Variants in MLXIPL observed in about 807,000 individuals in gnomAD.
MLXIPL encodes the protein MLX interacting protein like, also known as carbohydrate-responsive element-binding protein.
A neutral mutation model predicts 81.5 loss-of-function variants in MLXIPL; 49 were observed. The ratio of observed to expected loss-of-function variants is 0.60; its 90% CI spans 0.48 to 0.76. The LOEUF (loss-of-function observed/expected upper bound fraction) is 0.76. MLXIPL is among the 30% of genes least tolerant of loss of function. The pLI is 0.00. For missense variants in MLXIPL, 1,053 were observed against 1,167.0 expected, an observed-to-expected ratio of 0.90 and a Z score of 1.42; for synonymous variants, 466 against 485.5, an observed-to-expected ratio of 0.96 and a Z score of 0.53.
At chr7:73,605,657 T>C in intron 7 of MLXIPL, 31 bp downstream of exon 7, 1 of 1,611,128 alleles carries the variant, frequency 6.2e-7, no homozygotes, top group Non-Finnish European at 8.5e-7. Context: ...ACCCTGCCCG[T>C]CCACCCGACC....
At chr7:73,602,130 G>GCCTTCCTGCCTGCCTTCCTTCCTTCCTT (rs1563487261) in intron 7 of MLXIPL, among the ~76,000 whole-genome samples, 9 of 80,508 alleles carry the variant, frequency 1.1e-4, no homozygotes, top group African/African-American at 4.9e-4. Flanking sequence ...CTGCCTGCCT[G>GCCTTCCTGCCTGCCTTCCTTCCTTCCTT]CCTTCCTTCC....
rs1156398581 is a variant in MLXIPL, at chr7:73,606,371, G to T, written c.619-260C>A. On this transcript the variant is annotated intron_variant, in intron 5 of 16. Coordinates refer to ENST00000313375, the MANE Select transcript of MLXIPL (RefSeq NM_032951.3). ...GCTCTTTAGATTTTTTCCTGTCTGG[G>T]ACCCCAGTTCTTTGGTCCCTCTGGT... is the stretch of plus-strand genomic sequence containing the variant. 1.8e-5 allele frequency: 10 copies of T among 559,646 alleles called. No homozygotes were observed. The Admixed American group carries it at 3.4e-4, about 19-fold the overall frequency. 34.7% of individuals were successfully genotyped at this position (559,646 alleles called of 1,614,324 possible). A position where few individuals can be genotyped will look rare whatever the true frequency, so the allele number is the denominator to read the frequency against.
At chr7:73,625,121 C>G (rs1408990536), upstream of MLXIPL, among the ~76,000 whole-genome samples, 1 of 152,136 alleles carries the variant, frequency 6.6e-6, no homozygotes, top group African/African-American at 2.4e-5. Context: ...GAGGTTGAGG[C>G]TGCAGTGAGC....
Position 73,595,898 on chromosome 7 carries a change from C to A in MLXIPL, c.2130G>T (p.Leu710Phe). 5.0e-6 allele frequency: 8 copies of A among 1,613,034 alleles called. No homozygotes were observed. The highest frequency in any genetic ancestry group is 2.2e-5 in the South Asian group (2 of 90,966). Residue 710 changes from leucine to phenylalanine, a missense_variant, in exon 14 of 17, where the codon TTG becomes TTT. Around this residue, in one of 3 missense-constraint regions of MLXIPL, gnomAD observed 823 missense variants for 933.0 expected, o/e 0.88. Coordinates refer to ENST00000313375, the MANE Select transcript of MLXIPL (RefSeq NM_032951.3). The stretch of plus-strand genomic sequence containing the variant: ...CCCGCAGCTGCTGGGCCTCCTCCTG[C>A]AAGCCCGCACGCTCCTGCTGTAGCA... ...ILMLQQERAG[L>F]QEEAQQLRDE... is the part of the protein sequence containing the mutation.
chr7:73,616,455 C>T (rs1414838407), intron 1 of MLXIPL, among the ~76,000 whole-genome samples: 1 of 152,136 alleles, frequency 6.6e-6, no homozygotes, highest in Non-Finnish European at 1.5e-5. Context: ...TGGATCAGCT[C>T]GGCCCTGGAA....
intron 2 of MLXIPL, 97 bp from the exon 3 acceptor site, chr7:73,607,769 T>G (rs1795420027): frequency 9.1e-7 from 1 of 1,096,294 alleles, no homozygotes; most frequent in African/African-American, 1.6e-5. Context: ...GAAATCCTGC[T>G]TGGCCTTTGA....
At position 73,607,630 on chromosome 7, in the gene MLXIPL, G is replaced by T. The variant is rs200647462; in HGVS notation, c.443C>A (p.Pro148His). ...CGCATCAGCCTCAGGCCCCTGCAGG[G>T]GGGTCACGAAGCCACACACGGGGCT... ...RKSPVCGFVTPLQGPEADAHR... is the reference protein window; with the variant it reads ...RKSPVCGFVTHLQGPEADAHR... The change falls in exon 3 of 17, where the codon CCC (proline) becomes CAC (histidine). Residue 148 changes from proline (P) to histidine (H), a missense_variant. By Grantham distance (77) the Pro-to-His change is moderately conservative. Coordinates refer to ENST00000313375, the MANE Select transcript of MLXIPL (RefSeq NM_032951.3). 2.0e-5 allele frequency: 32 copies of T among 1,613,368 alleles called. No individual in the cohort carries two copies. Among genetic ancestry groups the T allele is most frequent in the Non-Finnish European group, 2.7e-5 (32 of 1,180,012 alleles).
upstream of MLXIPL, among the ~76,000 whole-genome samples, chr7:73,625,700 G>C (rs782629459): frequency 2.0e-5 from 3 of 152,158 alleles, no homozygotes; most frequent in African/African-American, 7.2e-5. Flanking sequence ...GGTGGAGGTT[G>C]CAGTGAGCCG....
At chr7:73,627,484 A>G (rs966556243), upstream of MLXIPL, among the ~76,000 whole-genome samples, 8 of 151,996 alleles carry the variant, frequency 5.3e-5, no homozygotes, top group Non-Finnish European at 1.2e-4. Flanking sequence ...CCTGACCACA[A>G]GTGATCCACC....
chr7:73,645,412 C>A, the MLXIPL span, among the ~76,000 whole-genome samples: 1 of 152,114 alleles, frequency 6.6e-6, no homozygotes, highest in Non-Finnish European at 1.5e-5. Context: ...TTGTTGGGGG[C>A]CCCCTTCTCC....
chr7:73,596,272 TC>T lies in MLXIPL; in HGVS notation c.1939-1del. ...ATGTGTGTGATACGCCGGTTCTCGG[TC>T]TCGGGGAGCAGAGAGTTGGGTGAGC... is the stretch of plus-strand genomic sequence containing the variant. On this transcript the variant is annotated splice_acceptor_variant, in intron 12 of 16. Transcript: ENST00000313375. LOFTEE classifies it high-confidence loss of function. The surrounding 1 kb of genome is among the most constrained non-coding windows in gnomAD (Gnocchi z 4.7). 6.2e-7 allele frequency: 1 copy of T among 1,611,684 alleles called. No homozygotes were observed. Among genetic ancestry groups the T allele is most frequent in the Non-Finnish European group, 8.5e-7 (1 of 1,179,710 alleles).
At chr7:73,633,206 G>A in the MLXIPL span, among the ~76,000 whole-genome samples, 44 of 150,486 alleles carry the variant, frequency 2.9e-4, no homozygotes, top group Middle Eastern at 3.4e-3. Context: ...TCAGCCTCCC[G>A]AGTAGCTGGG....
chr7:73,631,889 TC>T, the MLXIPL span, among the ~76,000 whole-genome samples: 1 of 116,880 alleles, frequency 8.6e-6, no homozygotes. Flanking sequence ...TCCCCTCCAC[TC>T]CCCTCTCCTG....
rs879966955 is a variant in MLXIPL, at chr7:73,596,281, G to A, written c.1939-9C>T. 4.3e-6 allele frequency: 7 copies of A among 1,613,232 alleles called. No individual in the cohort carries two copies. Among genetic ancestry groups the A allele is most frequent in the South Asian group, 1.1e-5 (1 of 91,044 alleles). On this transcript the variant is annotated splice_polypyrimidine_tract_variant and intron_variant, in intron 12 of 16. Coordinates refer to ENST00000313375, the MANE Select transcript of MLXIPL (RefSeq NM_032951.3). The surrounding 1 kb of genome is among the most constrained non-coding windows in gnomAD (Gnocchi z 4.7). Reference sequence around the variant, plus strand: ...ATACGCCGGTTCTCGGTCTCGGGGAGCAGAGAGTTGGGTGAGCCTAGGAAG... The same window carrying A: ...ATACGCCGGTTCTCGGTCTCGGGGAACAGAGAGTTGGGTGAGCCTAGGAAG...
intron 16 of MLXIPL, 76 bp from the exon 17 acceptor site, chr7:73,594,059 G>A (rs1457432958): frequency 7.0e-7 from 1 of 1,428,004 alleles, no homozygotes; most frequent in Admixed American, 1.7e-5. Context: ...GAACCAAAGG[G>A]ATAGGGGGAG....
At chr7:73,595,275 A>C (rs1278414367) in intron 15 of MLXIPL, among the ~76,000 whole-genome samples, 1 of 152,116 alleles carries the variant, frequency 6.6e-6, no homozygotes, top group East Asian at 1.9e-4. Flanking sequence ...GCCTGGGCTC[A>C]GTCAAGAACT....
chr7:73,595,999 G>T, intron 13 of MLXIPL, 30 bp from the exon 14 acceptor site: 2 of 1,611,008 alleles, frequency 1.2e-6, no homozygotes, highest in Non-Finnish European at 1.7e-6. Context: ...GGCTCAGGCA[G>T]GTGCTAGAGG....
chr7:73,629,848 G>A, the MLXIPL span, among the ~76,000 whole-genome samples: 1 of 152,142 alleles, frequency 6.6e-6, no homozygotes, highest in Non-Finnish European at 1.5e-5. Context: ...GAGACTCTGA[G>A]AGGTGAAATG....
the MLXIPL span, among the ~76,000 whole-genome samples, chr7:73,638,020 G>T: frequency 6.6e-6 from 1 of 151,970 alleles, no homozygotes; most frequent in Non-Finnish European, 1.5e-5. Context: ...TTTTCCTTTG[G>T]CCTCCCCCAT....
Sources: allele counts gnomAD v4.1 joint callset (sites outside exome capture counted in the v4.1 genomes callset), GRCh38; gene constraint gnomAD v4.1.1; regional missense constraint gnomAD v4.1.1; non-coding constraint Gnocchi (gnomAD v3.1); transcripts MANE v1.5; gene names NCBI Gene and HGNC (gene_info 2026-07-23, HGNC 2026-07-21).